Variants in GTF3C1 observed in about 807,000 individuals in gnomAD.
GTF3C1 encodes general transcription factor IIIC subunit 1.
In GTF3C1, 57 loss-of-function variants were observed where a neutral mutation model predicts 226.7. That is an observed-to-expected ratio of 0.25 (90% CI 0.20 to 0.31). The LOEUF (loss-of-function observed/expected upper bound fraction) is 0.31. GTF3C1 is among the 10% of genes least tolerant of loss of function. GTF3C1 has a pLI of 1.00. For missense variants in GTF3C1, 2,217 were observed against 2,776.1 expected, an observed-to-expected ratio of 0.80 and a Z score of 4.53; for synonymous variants, 1,090 against 1,084.8, an observed-to-expected ratio of 1.00 and a Z score of -0.09.
At chr16:27,512,189 C>T (rs112111357) in intron 6 of GTF3C1, among the ~76,000 whole-genome samples, 16 of 152,310 alleles carry the variant, frequency 1.1e-4, no homozygotes, top group African/African-American at 3.8e-4. Flanking sequence ...TAGTCAGTCA[C>T]CTTCTCCTGC....
intron 5 of GTF3C1, among the ~76,000 whole-genome samples, chr16:27,531,800 TTAA>T (rs1300169867): frequency 1.3e-5 from 2 of 152,130 alleles, no homozygotes; most frequent in African/African-American, 2.4e-5. Flanking sequence ...ACAAGTAACA[TTAA>T]TCCACACGGT....
chr16:27,498,860 G>A (rs1596635699), intron 12 of GTF3C1, 127 bp from the exon 13 acceptor site: 2 of 660,104 alleles, frequency 3.0e-6, no homozygotes, highest in East Asian at 5.3e-5. Flanking sequence ...ACACGATTAG[G>A]AGATCGAAAC....
intron 6 of GTF3C1, among the ~76,000 whole-genome samples, chr16:27,520,109 T>C (rs2088723070): frequency 6.6e-6 from 1 of 151,960 alleles, no homozygotes; most frequent in Non-Finnish European, 1.5e-5. Context: ...AGTGAGACCT[T>C]GTGTTTGGTT....
intron 11 of GTF3C1, 59 bp downstream of exon 11, chr16:27,502,800 C>G (rs2088426016): frequency 6.5e-7 from 1 of 1,535,048 alleles, no homozygotes; most frequent in Non-Finnish European, 8.8e-7. Context: ...TGATGACCAA[C>G]TGGTAGGAGG....
At chr16:27,546,600 C>CA (rs2089168361) in intron 1 of GTF3C1, among the ~76,000 whole-genome samples, 1 of 151,586 alleles carries the variant, frequency 6.6e-6, no homozygotes, top group African/African-American at 2.4e-5. Context: ...TTCAGCCTTG[C>CA]AAAGTGCTAG....
intron 6 of GTF3C1, among the ~76,000 whole-genome samples, chr16:27,523,961 G>A (rs1195084282): frequency 6.6e-6 from 1 of 152,142 alleles, no homozygotes; most frequent in Admixed American, 6.5e-5. Context: ...CCAGCACAAG[G>A]AGCCAAAACC....
chr16:27,469,413 T>A lies in GTF3C1; in HGVS notation c.4952A>T (p.Tyr1651Phe). 6.2e-7 allele frequency: 1 copy of A among 1,614,074 alleles called. No individual in the cohort carries two copies. Among genetic ancestry groups the A allele is most frequent in the Non-Finnish European group, 8.5e-7 (1 of 1,179,968 alleles). The change falls in exon 32 of 37, where the codon TAC (tyrosine) becomes TTC (phenylalanine). Residue 1651 changes from tyrosine (Y) to phenylalanine (F), a missense_variant. Tyr to Phe is a conservative substitution (Grantham distance 22). Around this residue, in one of 12 missense-constraint regions of GTF3C1, gnomAD observed 455 missense variants for 441.9 expected, o/e 1.03. Coordinates refer to ENST00000356183, the MANE Select transcript of GTF3C1 (RefSeq NM_001520.4). This position sits in a 1 kb window ranked among gnomAD's most constrained non-coding sequence, Gnocchi z 4.5. ...GGTGCTGACGATGCCGGGGGAGTAG[T>A]AGCCCCTCATCAGCAGGTAGTTGGT... ...SHTNYLLMRG[Y>F]YSPGIVSTRN...
chr16:27,544,777 T>A (rs1485344966), intron 2 of GTF3C1, among the ~76,000 whole-genome samples: 1 of 151,932 alleles, frequency 6.6e-6, no homozygotes, highest in Admixed American at 6.6e-5. Flanking sequence ...AAGGGCACCA[T>A]TCAAGTGCTC....
intron 29 of GTF3C1, among the ~76,000 whole-genome samples, chr16:27,473,653 CA>C (rs534853330): frequency 9.8e-4 from 150 of 152,372 alleles, no homozygotes; most frequent in Non-Finnish European, 1.2e-3. Flanking sequence ...TGGAGGGACA[CA>C]AGGGGACCGG....
chr16:27,529,143 TA>T (rs374570713), intron 5 of GTF3C1, among the ~76,000 whole-genome samples: 5 of 151,226 alleles, frequency 3.3e-5, no homozygotes, highest in African/African-American at 1.2e-4. Flanking sequence ...GGGGAAAAAA[TA>T]GGTTAAAAAA....
At chr16:27,509,158 C>T (rs971982048) in intron 7 of GTF3C1, among the ~76,000 whole-genome samples, 3 of 152,216 alleles carry the variant, frequency 2.0e-5, no homozygotes, top group Non-Finnish European at 2.9e-5. Flanking sequence ...CCATAAGAGT[C>T]GTGCAAGCGA....
intron 28 of GTF3C1, 34 bp downstream of exon 28, chr16:27,478,435 C>T: frequency 1.4e-6 from 2 of 1,383,710 alleles, no homozygotes; most frequent in Non-Finnish European, 2.1e-6. Flanking sequence ...TATTAAGCAG[C>T]TGAGGAAAAG....
At chr16:27,490,033 C>T (rs578223405) in intron 19 of GTF3C1, among the ~76,000 whole-genome samples, 24 of 152,342 alleles carry the variant, frequency 1.6e-4, no homozygotes, top group Admixed American at 1.2e-3. Flanking sequence ...CGAGAGAGCC[C>T]GGCAGGCTCA....
At chr16:27,509,781 A>T (rs983104061) in intron 7 of GTF3C1, among the ~76,000 whole-genome samples, 2 of 150,294 alleles carry the variant, frequency 1.3e-5, no homozygotes, top group African/African-American at 4.9e-5. Flanking sequence ...AAAAAAAAAG[A>T]AGTATCTTCC....
At chr16:27,549,565 G>A (rs8053192) in intron 1 of GTF3C1, 105 bp downstream of exon 1, 581,656 of 703,420 alleles carry the variant, frequency 0.83, 242,346 homozygotes, top group South Asian at 0.9. Context: ...ACAGGCCTCC[G>A]GTACTTGCAC....
intron 7 of GTF3C1, 75 bp downstream of exon 7, chr16:27,511,674 C>A: frequency 6.7e-7 from 1 of 1,490,480 alleles, no homozygotes; most frequent in Non-Finnish European, 9.3e-7. Context: ...AGCTCTCTCT[C>A]GACATGTGGG....
intron 12 of GTF3C1, among the ~76,000 whole-genome samples, chr16:27,499,792 G>GAC (rs2088377730): frequency 6.6e-6 from 1 of 152,224 alleles, no homozygotes; most frequent in Non-Finnish European, 1.5e-5. Context: ...CAGGAGCAAA[G>GAC]GCAAAAGACT....
At chr16:27,481,573 C>T (rs1489717184) in intron 26 of GTF3C1, among the ~76,000 whole-genome samples, 2 of 152,292 alleles carry the variant, frequency 1.3e-5, no homozygotes, top group African/African-American at 2.4e-5. Flanking sequence ...TGTAGTCAGC[C>T]TCCTTCCTCT....
chr16:27,491,527 G>A (rs1014115049), intron 19 of GTF3C1, among the ~76,000 whole-genome samples: 4 of 152,180 alleles, frequency 2.6e-5, no homozygotes, highest in Non-Finnish European at 4.4e-5. Flanking sequence ...ATAAAGGTGT[G>A]GACACGCTTT....
Sources: gnomAD v4.1 joint callset for allele counts (sites outside exome capture counted in the v4.1 genomes callset) on GRCh38, gnomAD v4.1.1 for gene constraint, gnomAD v4.1.1 regional missense constraint, Gnocchi (gnomAD v3.1) non-coding constraint, MANE v1.5 for transcripts, NCBI Gene and HGNC (gene_info 2026-07-23, HGNC 2026-07-21) for gene names.